CCDC171: variants seen among roughly 807,000 people sequenced by gnomAD.
The protein encoded by CCDC171 is coiled-coil domain-containing protein 171.
In CCDC171, 177 loss-of-function variants were observed where a neutral mutation model predicts 168.2. The observed-to-expected ratio is 1.05, with a 90% confidence interval of 0.93 to 1.19. The LOEUF (loss-of-function observed/expected upper bound fraction) is 1.19, where lower values mean the gene tolerates loss of function less well. Among genes scored for constraint, CCDC171 ranks in the 50% most tolerant of loss-of-function variants. The probability of loss-of-function intolerance (pLI) is 0.00; values close to 1 mark genes in which losing one functional copy is unlikely to be tolerated. For synonymous variants in CCDC171, 687 were observed against 540.8 expected (o/e 1.27, Z -3.75); for missense variants, 1,991 against 1,539.0 (o/e 1.29, Z -4.91).
intron 18 of CCDC171, among the ~76,000 whole-genome samples, chr9:15,746,139 A>C (rs1412896416): frequency 6.6e-6 from 1 of 152,204 alleles, no homozygotes; most frequent in Non-Finnish European, 1.5e-5. Context: ...AATTTACAAA[A>C]GTTTAAAATG....
chr9:15,592,907 T>C (rs148406076), intron 5 of CCDC171, among the ~76,000 whole-genome samples: 1 of 152,228 alleles, frequency 6.6e-6, no homozygotes, highest in African/African-American at 2.4e-5. Flanking sequence ...AGCTTTAGGG[T>C]ACATGTGCAC....
At chr9:15,569,855 A>AAAT (rs1563957763) in intron 2 of CCDC171, among the ~76,000 whole-genome samples, 1 of 150,980 alleles carries the variant, frequency 6.6e-6, no homozygotes, top group African/African-American at 2.4e-5. Flanking sequence ...ACAAAAAAAA[A>AAAT]ATTTCTATTT....
chr9:15,677,925 T>TATATATA (rs59883669), intron 9 of CCDC171, among the ~76,000 whole-genome samples: 2,065 of 41,818 alleles, frequency 0.049, 512 homozygotes, highest in East Asian at 0.16. Flanking sequence ...TATATATATA[T>TATATATA]AAGAGATGTG....
At chr9:16,063,800 A>G (rs1833962036), downstream of CCDC171, among the ~76,000 whole-genome samples, 1 of 152,160 alleles carries the variant, frequency 6.6e-6, no homozygotes, top group South Asian at 2.1e-4. Context: ...CCTCCATTTT[A>G]TTAAAGGAGA....
In CCDC171 at chr9:15,553,162, C is replaced by G. The variant is rs1254579514; in HGVS notation, c.-252C>G. The G allele has an allele frequency of 6.6e-6, 1 of 152,624 alleles. No homozygotes were observed. The highest frequency in any genetic ancestry group is 1.5e-5 in the Non-Finnish European group (1 of 68,380). 9.5% of individuals were successfully genotyped at this position (152,624 alleles called of 1,614,324 possible). On this transcript the variant is annotated 5_prime_UTR_variant, in exon 1 of 26. Transcript: ENST00000380701. ...TACCCCTTTGCTGTTTGTCCCCCTC[C>G]TCCCGGGTCCTGGAGTCCGTCGTGT...
Position 15,769,570 on chromosome 9 carries a change from G to A in CCDC171, c.2672-8030G>A, listed in dbSNP as rs1023332783. ...GACTTTGGCGCTAATAGAAGTCACA[G>A]ATATTTTTATATTGTAATACAGTTA... On this transcript the variant is annotated intron_variant, in intron 18 of 25. Coordinates refer to ENST00000380701, the MANE Select transcript of CCDC171 (RefSeq NM_173550.4). Among the ~76,000 whole-genome samples the A allele has an allele frequency of 7.2e-4, 109 of 152,220 alleles. 1 individual carries two copies. Among genetic ancestry groups the A allele is most frequent in the African/African-American group, 2.4e-3 (100 of 41,462 alleles).
At chr9:16,103,702 T>A in the CCDC171 span, among the ~76,000 whole-genome samples, 1 of 152,188 alleles carries the variant, frequency 6.6e-6, no homozygotes, top group Non-Finnish European at 1.5e-5. Flanking sequence ...GGAATTGGCC[T>A]GCAGAACAAA....
At chr9:16,027,689 C>T (rs928593243) in intron 6 of CCDC171, among the ~76,000 whole-genome samples, 1 of 152,142 alleles carries the variant, frequency 6.6e-6, no homozygotes, top group African/African-American at 2.4e-5. Context: ...TTAATCAGGA[C>T]ATTGTTTGCA....
chr9:15,727,019 G>A (rs1229424970), intron 14 of CCDC171, among the ~76,000 whole-genome samples: 1 of 152,134 alleles, frequency 6.6e-6, no homozygotes, highest in Non-Finnish European at 1.5e-5. Context: ...GAATTCTGCA[G>A]CATAGTAAGT....
chr9:15,693,129 T>C (rs2050942744), intron 10 of CCDC171, among the ~76,000 whole-genome samples: 1 of 151,934 alleles, frequency 6.6e-6, no homozygotes, highest in Admixed American at 6.5e-5. Flanking sequence ...AGAGCGAGAC[T>C]CTGTCTCAAA....
chr9:15,983,857 T>TGTGTGTGTGTGTGTGTGTGTG (rs1589295972), intron 3 of CCDC171, among the ~76,000 whole-genome samples: 3 of 149,930 alleles, frequency 2.0e-5, no homozygotes. Context: ...TGTGTGTGTG[T>TGTGTGTGTGTGTGTGTGTGTG]TGGCATTTGG....
chr9:15,666,909 C>G (rs1204637518), intron 9 of CCDC171, among the ~76,000 whole-genome samples: 1 of 152,128 alleles, frequency 6.6e-6, no homozygotes, highest in African/African-American at 2.4e-5. Context: ...TAATAGTGGC[C>G]AACATGCATT....
At chr9:15,904,037 A>G (rs1356950269) in intron 24 of CCDC171, among the ~76,000 whole-genome samples, 1 of 152,238 alleles carries the variant, frequency 6.6e-6, no homozygotes, top group Non-Finnish European at 1.5e-5. Context: ...GAAAAGACCA[A>G]ATCTACATCT....
chr9:15,617,746 C>T lies in CCDC171; in HGVS notation c.676-5521C>T, dbSNP rs114805912. On this transcript the variant is annotated intron_variant, in intron 6 of 25. Coordinates refer to ENST00000380701, the MANE Select transcript of CCDC171 (RefSeq NM_173550.4). ...TTTGTTAGTTTTTCTTCTAACAGGC[C>T]CCTCTTCTGATGGTCTGCTGCAGTT... Among the ~76,000 whole-genome samples, 1,007 of 152,170 alleles carry T rather than the reference C, an allele frequency of 6.6e-3. 17 individuals are homozygous for T. Among genetic ancestry groups the T allele is most frequent in the African/African-American group, 0.023 (950 of 41,512 alleles).
At chr9:16,059,372 G>A (rs894776923) in intron 1 of CCDC171, among the ~76,000 whole-genome samples, 4 of 152,160 alleles carry the variant, frequency 2.6e-5, no homozygotes, top group African/African-American at 4.8e-5. Context: ...AGGCATCCCC[G>A]GGTGAGAATA....
chr9:15,959,776 C>G (rs544197673), intron 25 of CCDC171, among the ~76,000 whole-genome samples: 9 of 152,192 alleles, frequency 5.9e-5, no homozygotes, highest in Admixed American at 2.0e-4. Flanking sequence ...GACCTAATGC[C>G]TTTCCTCCAT....
chr9:16,054,480 C>T (rs1586865823), intron 1 of CCDC171, among the ~76,000 whole-genome samples: 1 of 151,966 alleles, frequency 6.6e-6, no homozygotes, highest in Admixed American at 6.5e-5. Flanking sequence ...CATAGCGAGT[C>T]CCATAAGCAC....
intron 3 of CCDC171, among the ~76,000 whole-genome samples, chr9:15,985,938 T>G (rs1422344379): frequency 2.0e-5 from 3 of 152,228 alleles, no homozygotes; most frequent in African/African-American, 7.2e-5. Context: ...ATGGAGAATT[T>G]GCAGGGCATT....
chr9:15,859,875 C>T (rs1185561391), intron 23 of CCDC171, among the ~76,000 whole-genome samples: 1 of 151,762 alleles, frequency 6.6e-6, no homozygotes, highest in East Asian at 1.9e-4. Context: ...CACTATGTTG[C>T]CCAGGCTGTC....
Sources: allele counts gnomAD v4.1 joint callset (sites outside exome capture counted in the v4.1 genomes callset), GRCh38; gene constraint gnomAD v4.1.1; transcripts MANE v1.5; gene names NCBI Gene and HGNC (gene_info 2026-07-23, HGNC 2026-07-21).